The following ADARB2 variants were observed in gnomAD, a reference collection of about 807,000 sequenced individuals.
The protein encoded by ADARB2 is inactive double-stranded RNA-specific editase B2.
A neutral mutation model predicts 62.2 loss-of-function variants in ADARB2; 25 were observed. The ratio of observed to expected loss-of-function variants is 0.40; its 90% confidence interval spans 0.29 to 0.56. The LOEUF (loss-of-function observed/expected upper bound fraction) is 0.56. Among genes scored for constraint, ADARB2 ranks in the 20% least tolerant of loss-of-function variants. ADARB2 has a pLI of 0.43. For missense variants in ADARB2, 1,071 were observed against 1,077.4 expected, an observed-to-expected ratio of 0.99 and a Z score of 0.08; for synonymous variants, 572 against 500.8, an observed-to-expected ratio of 1.14 and a Z score of -1.90.
At chr10:1,637,217 T>C (rs1001077658) in intron 1 of ADARB2, among the ~76,000 whole-genome samples, 1 of 150,118 alleles carries the variant, frequency 6.7e-6, no homozygotes, top group African/African-American at 2.4e-5. Flanking sequence ...TACTTGGCAG[T>C]TTATATTTCT....
chr10:1,590,268 G>A (rs967014644), intron 1 of ADARB2, among the ~76,000 whole-genome samples: 2 of 152,216 alleles, frequency 1.3e-5, no homozygotes, highest in Admixed American at 6.5e-5. Flanking sequence ...AGATTGCTTG[G>A]CCAGACTGGG....
intron 1 of ADARB2, among the ~76,000 whole-genome samples, chr10:1,529,949 CCCTGCCACTGTGGGCACCCATCCACTGCT>C (rs1564318834): frequency 1.5e-4 from 3 of 19,520 alleles, no homozygotes; most frequent in Non-Finnish European, 2.2e-4. Context: ...CATTCACTGC[CCCTGCCACTGTGGGCACCCATCCACTGCT>C]CCTGCCACTG....
intron 3 of ADARB2, among the ~76,000 whole-genome samples, chr10:1,306,110 A>T (rs1253995032): frequency 1.6e-4 from 24 of 151,502 alleles, no homozygotes; most frequent in Non-Finnish European, 3.5e-4. Flanking sequence ...GAAAAGAGGA[A>T]GTCAAATTGT....
At chr10:1,473,003 G>C (rs1831346808) in intron 1 of ADARB2, among the ~76,000 whole-genome samples, 2 of 152,302 alleles carry the variant, frequency 1.3e-5, no homozygotes, top group South Asian at 4.1e-4. Flanking sequence ...AGGATCTCAG[G>C]AACTGGGCTA....
chr10:1,652,693 G>T (rs964047971), intron 1 of ADARB2, among the ~76,000 whole-genome samples: 1 of 152,168 alleles, frequency 6.6e-6, no homozygotes, highest in Non-Finnish European at 1.5e-5. Context: ...AAAACAAGCC[G>T]TCCTGAGGCA....
intron 1 of ADARB2, among the ~76,000 whole-genome samples, chr10:1,725,646 G>A (rs1332491648): frequency 6.6e-6 from 1 of 152,232 alleles, no homozygotes; most frequent in African/African-American, 2.4e-5. Flanking sequence ...CGAGAGAGCA[G>A]GGAGCAAAGA....
intron 1 of ADARB2, among the ~76,000 whole-genome samples, chr10:1,578,816 C>A (rs1423620791): frequency 6.6e-6 from 1 of 152,154 alleles, no homozygotes; most frequent in Admixed American, 6.5e-5. Flanking sequence ...CACACACACG[C>A]ATATACACAC....
chr10:1,283,392 A>G (rs1831386473), intron 3 of ADARB2, among the ~76,000 whole-genome samples: 1 of 152,218 alleles, frequency 6.6e-6, no homozygotes, highest in African/African-American at 2.4e-5. Flanking sequence ...AGGGGCTGCA[A>G]TGATCTCTAT....
chr10:1,447,148 C>T (rs142867196), intron 1 of ADARB2, among the ~76,000 whole-genome samples: 231 of 152,214 alleles, frequency 1.5e-3, no homozygotes, highest in African/African-American at 4.9e-3. Context: ...TTCGGATGCA[C>T]GGGTCAGTGG....
chr10:1,645,256 G>T (rs1834024798), intron 1 of ADARB2, among the ~76,000 whole-genome samples: 1 of 152,206 alleles, frequency 6.6e-6, no homozygotes, highest in Non-Finnish European at 1.5e-5. Context: ...CGCATGCATG[G>T]CTATGGTACA....
rs1004896741 is a variant in ADARB2 at position 1,737,265 on chromosome 10, C to G, written c.-115G>C. ...AAGCTTGAGGTTGCAAACCCGGGAG[C>G]GGCTCACTTTTCAGGACTGAGCAGG... On this transcript the variant is annotated 5_prime_UTR_variant, in exon 1 of 10. Transcript: ENST00000381312. 23 of 1,070,500 alleles carry G rather than the reference C, an allele frequency of 2.1e-5. No homozygotes were observed. Among genetic ancestry groups the G allele is most frequent in the South Asian group, 2.7e-5 (2 of 74,490 alleles). The allele number at this position is 1,070,500 out of a possible 1,614,324, so 66.3% of individuals were successfully genotyped here. A position where few individuals can be genotyped will look rare whatever the true frequency, so the allele number is the denominator to read the frequency against.
intron 1 of ADARB2, among the ~76,000 whole-genome samples, chr10:1,391,547 A>C (rs1832570854): frequency 6.6e-6 from 1 of 152,148 alleles, no homozygotes; most frequent in Non-Finnish European, 1.5e-5. Flanking sequence ...TGAAAAGATC[A>C]ATGTTTTTGG....
In ADARB2 at chr10:1,395,982, T is replaced by C. The variant is rs192046932; in HGVS notation, c.101-16822A>G. ...GTGCCCTGTCCTCCGCTGACCGGAC[T>C]GAGCCACATTGTCTGCTCTGAGTCC... On this transcript the variant is annotated intron_variant, in intron 1 of 9. Coordinates refer to ENST00000381312, the MANE Select transcript of ADARB2 (RefSeq NM_018702.4). Among the ~76,000 whole-genome samples, 261 of 152,346 alleles carry C rather than the reference T, an allele frequency of 1.7e-3. 2 individuals carry two copies. The highest frequency in any genetic ancestry group is 5.9e-3 in the African/African-American group (247 of 41,586).
intron 1 of ADARB2, among the ~76,000 whole-genome samples, chr10:1,569,208 CAGAG>C: frequency 6.6e-6 from 1 of 151,328 alleles, no homozygotes; most frequent in Middle Eastern, 3.4e-3. Context: ...GAGACAGAGG[CAGAG>C]AGAGAGACAG....
chr10:1,454,078 C>T (rs1425966902), intron 1 of ADARB2, among the ~76,000 whole-genome samples: 1 of 152,222 alleles, frequency 6.6e-6, no homozygotes, highest in East Asian at 1.9e-4. Context: ...TTCCACATGG[C>T]TTGGGAGGCC....
chr10:1,424,060 G>T (rs1230934186), intron 1 of ADARB2, among the ~76,000 whole-genome samples: 1 of 152,180 alleles, frequency 6.6e-6, no homozygotes, highest in African/African-American at 2.4e-5. Context: ...TACTATGTAT[G>T]CAGTGGGACC....
At chr10:1,734,734 T>C (rs774476015) in intron 1 of ADARB2, among the ~76,000 whole-genome samples, 1 of 152,208 alleles carries the variant, frequency 6.6e-6, no homozygotes, top group Non-Finnish European at 1.5e-5. Flanking sequence ...AGAGCCACAC[T>C]AAATTCCTTA....
At chr10:1,406,676 G>A (rs1344380707) in intron 1 of ADARB2, among the ~76,000 whole-genome samples, 3 of 152,200 alleles carry the variant, frequency 2.0e-5, no homozygotes, top group East Asian at 1.9e-4. Flanking sequence ...AGGCTTTGGC[G>A]GGGGAGCCCT....
intron 2 of ADARB2, among the ~76,000 whole-genome samples, chr10:1,371,324 C>G (rs1477980548): frequency 6.6e-6 from 1 of 152,126 alleles, no homozygotes. Context: ...AACATAGGAC[C>G]TGAAACTATA....
Sources: allele counts gnomAD v4.1 joint callset (sites outside exome capture counted in the v4.1 genomes callset), GRCh38; gene constraint gnomAD v4.1.1; transcripts MANE v1.5; gene names NCBI Gene and HGNC (gene_info 2026-07-23, HGNC 2026-07-21).